The following CCNC variants were observed in gnomAD, a reference collection of about 807,000 sequenced individuals.
The protein encoded by CCNC is cyclin C.
In CCNC, 19 loss-of-function variants were observed where a neutral mutation model predicts 50.0. The observed-to-expected ratio is 0.38, with a 90% confidence interval of 0.27 to 0.56. The LOEUF is 0.56. Ranked by LOEUF, CCNC falls within the 20% of genes least tolerant of loss-of-function variation. The pLI is 0.72. For missense variants in CCNC, 200 were observed against 327.1 expected (o/e 0.61, Z 3.00); for synonymous variants, 93 against 103.7 (o/e 0.90, Z 0.63).
chr6:99,564,641 G>A (rs915645063), intron 1 of CCNC, among the ~76,000 whole-genome samples: 15 of 151,678 alleles, frequency 9.9e-5, no homozygotes, highest in African/African-American at 3.6e-4. Flanking sequence ...TTTTTTTAAT[G>A]ATTAAGAGAT....
At chr6:99,564,537 T>C (rs1377477665) in intron 1 of CCNC, among the ~76,000 whole-genome samples, 3 of 152,152 alleles carry the variant, frequency 2.0e-5, no homozygotes, top group Admixed American at 2.0e-4. Context: ...ACTTTTGAGG[T>C]TAAACATCTT....
chr6:99,543,416 T>C lies in CCNC; in HGVS notation c.*139A>G, dbSNP rs547588724. The C allele has an allele frequency of 4.8e-6, 4 of 836,542 alleles. No homozygotes were observed. In the East Asian group the frequency reaches 1.0e-4, roughly 22 times the overall value. The allele number at this position is 836,542 out of a possible 1,614,324, so 51.8% of individuals were successfully genotyped here. ...GAATCATATTAAAGAAAAACTTATT[T>C]TGCAAAAATAAAATCACTTTCCAAT... On this transcript the variant is annotated 3_prime_UTR_variant, in exon 12 of 12. Transcript: ENST00000520429.
chr6:99,561,910 T>C (rs1802796988), intron 2 of CCNC: 1 of 278,360 alleles, frequency 3.6e-6, no homozygotes. Flanking sequence ...AAAACAGAAA[T>C]TGCCCCACAG....
In CCNC at chr6:99,543,492, A is replaced by G; in HGVS notation, c.*63T>C. 1.3e-6 allele frequency: 2 copies of G among 1,554,396 alleles called. No individual in the cohort carries two copies. The highest frequency in any genetic ancestry group is 1.8e-6 in the Non-Finnish European group (2 of 1,128,004). On this transcript the variant is annotated 3_prime_UTR_variant, in exon 12 of 12. Coordinates refer to ENST00000520429, the MANE Select transcript of CCNC (RefSeq NM_005190.4). Reference sequence around the variant, plus strand: ...TTTTCATTTGTGTTCCACTGAAGACATTACTGAAATCTGTCCAATGGTTTA... The same window carrying G: ...TTTTCATTTGTGTTCCACTGAAGACGTTACTGAAATCTGTCCAATGGTTTA...
upstream of CCNC, chr6:99,568,746 T>G: frequency 2.2e-6 from 3 of 1,377,854 alleles, no homozygotes; most frequent in Non-Finnish European, 1.9e-6. Flanking sequence ...TCGACAAAAG[T>G]TCCGGCCCGC....
chr6:99,568,698 G>A, upstream of CCNC: 6 of 1,461,814 alleles, frequency 4.1e-6, no homozygotes, highest in Non-Finnish European at 5.4e-6. Flanking sequence ...TCTCCTTCAC[G>A]CCGGCCGACA....
rs138238225 is a variant in CCNC at position 99,564,147 on chromosome 6, G to A, written c.33-1199C>T. ...AATCTTATAATATTTAATCCTGGCC[G>A]GGCGCGGTGGCTCATGCCTGTAATT... is the stretch of plus-strand genomic sequence containing the variant. On this transcript the variant is annotated intron_variant, in intron 1 of 11. Coordinates refer to ENST00000520429, the MANE Select transcript of CCNC (RefSeq NM_005190.4). Among the ~76,000 whole-genome samples the A allele has an allele frequency of 6.6e-3, 999 of 152,124 alleles. 6 individuals carry two copies. The highest frequency in any genetic ancestry group is 9.0e-3 in the Non-Finnish European group (614 of 68,008).
At chr6:99,544,150 TAC>T in intron 11 of CCNC, 1 of 1,491,624 alleles carries the variant, frequency 6.7e-7, no homozygotes, top group Non-Finnish European at 8.9e-7. Flanking sequence ...AAATGCTGAA[TAC>T]TTAAAAATAA....
intron 5 of CCNC, among the ~76,000 whole-genome samples, chr6:99,552,955 T>A (rs1380592892): frequency 1.3e-5 from 2 of 151,028 alleles, no homozygotes; most frequent in Non-Finnish European, 2.9e-5. Flanking sequence ...GGCAGGAGAA[T>A]CCCTTGAACC....
At chr6:99,558,672 A>C (rs1483924167) in intron 4 of CCNC, 124 bp from the exon 5 acceptor site, 84 of 783,120 alleles carry the variant, frequency 1.1e-4, no homozygotes, top group Non-Finnish European at 5.9e-6. Context: ...TGAGGTGTGA[A>C]GTACTTACAC....
intron 9 of CCNC, 37 bp downstream of exon 9, chr6:99,549,471 A>G: frequency 7.1e-7 from 1 of 1,410,770 alleles, no homozygotes; most frequent in Non-Finnish European, 1.0e-6. Context: ...TAAGTTTATA[A>G]CAATTTAACT....
chr6:99,545,105 A>C lies in CCNC; in HGVS notation c.797+7T>G, dbSNP rs577861085. 2.9e-6 allele frequency: 4 copies of C among 1,372,596 alleles called. No individual in the cohort carries two copies. Among genetic ancestry groups the C allele is most frequent in the African/African-American group, 1.4e-5 (1 of 70,170 alleles). 85.0% of individuals were successfully genotyped at this position (1,372,596 alleles called of 1,614,324 possible). A position where few individuals can be genotyped will look rare whatever the true frequency, so the allele number is the denominator to read the frequency against. On this transcript the variant is annotated splice_region_variant and intron_variant, in intron 11 of 11. Transcript: ENST00000520429. ...AATGACATCAATAATTAAAGTCTAC[A>C]AAGTACCTGTTTGGAGGTGGTTTTG...
At chr6:99,547,018 T>A (rs1288277562) in intron 9 of CCNC, among the ~76,000 whole-genome samples, 2 of 151,968 alleles carry the variant, frequency 1.3e-5, no homozygotes, top group African/African-American at 4.8e-5. Context: ...CAAATAAAGG[T>A]TAGAAAATAA....
chr6:99,564,054 T>G (rs1768989910), intron 1 of CCNC, among the ~76,000 whole-genome samples: 1 of 152,202 alleles, frequency 6.6e-6, no homozygotes, highest in Non-Finnish European at 1.5e-5. Flanking sequence ...AACTTATTGA[T>G]ACACATTGTC....
chr6:99,563,303 T>C (rs1329287833), intron 1 of CCNC, among the ~76,000 whole-genome samples: 1 of 152,210 alleles, frequency 6.6e-6, no homozygotes, highest in Non-Finnish European at 1.5e-5. Context: ...GGTGGAATTA[T>C]TTGGCACCAA....
At position 99,543,157 on chromosome 6, in the gene CCNC, A is replaced by G. The variant is rs1040847044; in HGVS notation, c.*398T>C. The G allele has an allele frequency of 1.3e-5, 2 of 154,456 alleles. No homozygotes were observed. Among genetic ancestry groups the G allele is most frequent in the Non-Finnish European group, 1.4e-5 (1 of 69,340 alleles). The allele number at this position is 154,456 out of a possible 1,614,324, so 9.6% of individuals were successfully genotyped here. ...GAGGGAAAAAAACCCTCATAGATTGACTGTAAATTTTACGTCCTTTTTTGG... is the reference window on the plus strand; with the variant it reads ...GAGGGAAAAAAACCCTCATAGATTGGCTGTAAATTTTACGTCCTTTTTTGG... On this transcript the variant is annotated 3_prime_UTR_variant, in exon 12 of 12. Transcript: ENST00000520429.
At chr6:99,568,702 G>A (rs1769270940), upstream of CCNC, 1 of 1,458,584 alleles carries the variant, frequency 6.9e-7, no homozygotes, top group South Asian at 1.4e-5. Context: ...CTTCACGCCG[G>A]CCGACAACAC....
chr6:99,544,934 G>A (rs1160230037), intron 11 of CCNC, among the ~76,000 whole-genome samples, 178 bp downstream of exon 11: 2 of 152,006 alleles, frequency 1.3e-5, no homozygotes, highest in Non-Finnish European at 1.5e-5. Flanking sequence ...AATCAGATTA[G>A]TGATTTTTTT....
Position 99,543,627 on chromosome 6 carries a change from A to AT in CCNC, c.798-19_798-18insA, listed in dbSNP as rs1242834153. 6.2e-7 allele frequency: 1 copy of AT among 1,612,658 alleles called. No individual in the cohort carries two copies. Among genetic ancestry groups the AT allele is most frequent in the Non-Finnish European group, 8.5e-7 (1 of 1,179,132 alleles). ...CTCCTTCACTGTTCAAATGGGGAAG[A>AT]AAGAGATTTTATACCAATTAAAAGA... On this transcript the variant is annotated intron_variant, in intron 11 of 11. Transcript: ENST00000520429.
Sources: allele counts gnomAD v4.1 joint callset (sites outside exome capture counted in the v4.1 genomes callset), GRCh38; gene constraint gnomAD v4.1.1; transcripts MANE v1.5; gene names NCBI Gene and HGNC (gene_info 2026-07-23, HGNC 2026-07-21).